Variants in CDH9 observed in about 807,000 individuals in gnomAD.
CDH9 encodes the protein cadherin 9.
In CDH9, 28 loss-of-function variants were observed where a neutral mutation model predicts 70.9. That is an observed-to-expected ratio of 0.40 (90% CI 0.29 to 0.54). CDH9 has a LOEUF of 0.54. CDH9 is among the 20% of genes least tolerant of loss of function. The probability of loss-of-function intolerance (pLI) is 0.59; values close to 1 mark genes in which losing one functional copy is unlikely to be tolerated. For synonymous variants in CDH9, 409 were observed against 343.1 expected, an observed-to-expected ratio of 1.19 and a Z score of -2.12; for missense variants, 874 against 984.4, an observed-to-expected ratio of 0.89 and a Z score of 1.50.
At chr5:26,982,163 T>G in intron 2 of CDH9, among the ~76,000 whole-genome samples, 1 of 145,842 alleles carries the variant, frequency 6.9e-6, no homozygotes, top group Non-Finnish European at 1.5e-5. Context: ...AGTGTATATA[T>G]AAAGGTGGAT....
At chr5:26,932,560 T>C (rs1163013989) in intron 2 of CDH9, among the ~76,000 whole-genome samples, 1 of 152,152 alleles carries the variant, frequency 6.6e-6, no homozygotes. Flanking sequence ...TGTTCCAACT[T>C]ATCTATGATA....
At chr5:26,964,326 C>A (rs1469035820) in intron 2 of CDH9, among the ~76,000 whole-genome samples, 3 of 152,142 alleles carry the variant, frequency 2.0e-5, no homozygotes, top group Non-Finnish European at 4.4e-5. Flanking sequence ...TGTTTCTACT[C>A]TCTAAGACTT....
In CDH9 at chr5:26,899,124, C is replaced by A. The variant is rs1196866118; in HGVS notation, c.1253+3352G>T. ...TGCAAATCAAAACCACAATGAGACA[C>A]CATCTCCATCAATTAGAATGGCAAC... On this transcript the variant is annotated intron_variant, in intron 7 of 11. Transcript: ENST00000231021. Among the ~76,000 whole-genome samples, 3 of 152,056 alleles carry A rather than the reference C, an allele frequency of 2.0e-5. No individual in the cohort carries two copies. The East Asian group carries it at 5.8e-4, about 29-fold the overall frequency.
At chr5:26,956,728 G>A (rs1741953399) in intron 2 of CDH9, among the ~76,000 whole-genome samples, 1 of 151,972 alleles carries the variant, frequency 6.6e-6, no homozygotes, top group Non-Finnish European at 1.5e-5. Context: ...CCTTGATACT[G>A]GATTTCCTGG....
In CDH9 at chr5:26,938,229, A is replaced by G. The variant is rs375145299; in HGVS notation, c.229-22305T>C. On this transcript the variant is annotated intron_variant, in intron 2 of 11. Transcript: ENST00000231021. ...ATCAATGTAAAAAAGTGAAAAAGCC[A>G]TAGGCTGGAATAAAATATTTAGAGA... 2.1e-4 allele frequency among the ~76,000 whole-genome samples: 32 copies of G among 151,752 alleles called. 1 individual carries two copies. In the East Asian group the frequency reaches 4.6e-3, roughly 22 times the overall value.
chr5:27,038,239 G>A (rs534611623), intron 1 of CDH9, among the ~76,000 whole-genome samples: 2 of 152,030 alleles, frequency 1.3e-5, no homozygotes, highest in South Asian at 4.1e-4. Context: ...TATCAGCTTT[G>A]CAAAAGTAAA....
intron 2 of CDH9, among the ~76,000 whole-genome samples, chr5:26,937,287 A>G (rs1741575787): frequency 6.6e-6 from 1 of 152,198 alleles, no homozygotes; most frequent in Admixed American, 6.5e-5. Flanking sequence ...ATCATATTTC[A>G]TTAGTGAATG....
chr5:26,926,314 C>G (rs537772303), intron 2 of CDH9, among the ~76,000 whole-genome samples: 43 of 151,956 alleles, frequency 2.8e-4, no homozygotes, highest in African/African-American at 9.4e-4. Context: ...AACAGAGAGA[C>G]AAATCATGAG....
In CDH9 at chr5:27,001,629, T is replaced by C. The variant is rs573984514; in HGVS notation, c.-49-13247A>G. Among the ~76,000 whole-genome samples, 40 of 152,236 alleles carry C rather than the reference T, an allele frequency of 2.6e-4. No homozygotes were observed. The South Asian group carries it at 8.3e-3, about 32-fold the overall frequency. ...AGTTAGTATATACACATATATATTC[T>C]TTACTCTGTCAGCTGAGATAGCCTA... On this transcript the variant is annotated intron_variant, in intron 1 of 11. Transcript: ENST00000231021.
At chr5:26,999,686 T>A (rs529456666) in intron 1 of CDH9, among the ~76,000 whole-genome samples, 132 of 152,134 alleles carry the variant, frequency 8.7e-4, no homozygotes, top group African/African-American at 2.9e-3. Context: ...TGCAAAAAAA[T>A]TGAAAATAAA....
intron 3 of CDH9, among the ~76,000 whole-genome samples, chr5:26,907,186 T>C (rs147754587): frequency 7.8e-4 from 118 of 152,208 alleles, no homozygotes; most frequent in Non-Finnish European, 1.5e-3. Flanking sequence ...AATTAATACA[T>C]TTACCACTAA....
chr5:26,914,981 T>C (rs1276416064), intron 3 of CDH9, among the ~76,000 whole-genome samples: 1 of 151,994 alleles, frequency 6.6e-6, no homozygotes, highest in African/African-American at 2.4e-5. Flanking sequence ...AAGTGGTATC[T>C]AAAATGGTGG....
chr5:26,932,396 A>T (rs576996404), intron 2 of CDH9, among the ~76,000 whole-genome samples: 1 of 151,274 alleles, frequency 6.6e-6, no homozygotes, highest in African/African-American at 2.4e-5. Context: ...CCCAGTATGC[A>T]TTAACAATAA....
chr5:26,940,162 C>CAA (rs36027792), intron 2 of CDH9, among the ~76,000 whole-genome samples: 1,923 of 136,016 alleles, frequency 0.014, 32 homozygotes, highest in African/African-American at 0.048. Context: ...GACTCAGTTG[C>CAA]AAAAAAAAAA....
chr5:26,906,487 T>A (rs1356148938), intron 4 of CDH9, among the ~76,000 whole-genome samples: 1 of 152,184 alleles, frequency 6.6e-6, no homozygotes, highest in African/African-American at 2.4e-5. Context: ...AAATTTTGTA[T>A]TTAGTGTTTC....
chr5:26,895,685 A>G (rs1740737310), intron 7 of CDH9, among the ~76,000 whole-genome samples: 3 of 152,074 alleles, frequency 2.0e-5, no homozygotes, highest in South Asian at 2.1e-4. Flanking sequence ...AACAGCTGCT[A>G]ATTGTAACCA....
At chr5:26,971,618 C>T (rs1742219405) in intron 2 of CDH9, among the ~76,000 whole-genome samples, 1 of 152,124 alleles carries the variant, frequency 6.6e-6, no homozygotes, top group African/African-American at 2.4e-5. Context: ...AGTTTAATCT[C>T]TTTACAGTGA....
chr5:26,987,593 C>A (rs1401649305), intron 2 of CDH9, among the ~76,000 whole-genome samples: 1 of 152,000 alleles, frequency 6.6e-6, no homozygotes, highest in East Asian at 1.9e-4. Flanking sequence ...TTTGTTCCTA[C>A]TAACACAGAA....
At chr5:26,952,205 C>T (rs1168174124) in intron 2 of CDH9, among the ~76,000 whole-genome samples, 2 of 149,716 alleles carry the variant, frequency 1.3e-5, no homozygotes, top group Non-Finnish European at 3.0e-5. Flanking sequence ...CTCAAGTGAT[C>T]TGCCTGCCTT....
Sources: gnomAD v4.1 joint callset for allele counts (sites outside exome capture counted in the v4.1 genomes callset) on GRCh38, gnomAD v4.1.1 for gene constraint, MANE v1.5 for transcripts, NCBI Gene and HGNC (gene_info 2026-07-23, HGNC 2026-07-21) for gene names.